Variants in AP3M1 observed in about 807,000 individuals in gnomAD.
AP3M1 encodes the protein AP-3 complex subunit mu-1.
AP3M1 carries 29 observed loss-of-function variants against 42.6 expected under a neutral mutation model. The observed-to-expected ratio is 0.68, with a 90% confidence interval of 0.51 to 0.93. AP3M1 has a LOEUF of 0.93. Among genes scored for constraint, AP3M1 ranks in the 40% least tolerant of loss-of-function variants. The pLI is 0.00. For missense variants in AP3M1, 416 were observed against 510.2 expected (o/e 0.82, Z 1.78); for synonymous variants, 178 against 175.3 (o/e 1.02, Z -0.12).
intron 1 of AP3M1, among the ~76,000 whole-genome samples, chr10:74,147,959 T>C (rs887390034): frequency 6.6e-6 from 1 of 151,616 alleles, no homozygotes; most frequent in Non-Finnish European, 1.5e-5. Context: ...AGATTGCCAT[T>C]GCACTCCAGC....
chr10:74,129,132 A>G lies in AP3M1; in HGVS notation c.779T>C (p.Ile260Thr). ...FIPPDGNFRL[I>T]SYRVSSQNLV... ...CTTTTGTGAGCTGACACGGTATGAT[A>G]TGAGTCGGAAATTTCCATCTGGAGG... Residue 260 changes from isoleucine to threonine, a missense_variant, in exon 6 of 9, where the codon ATA (isoleucine) becomes ACA (threonine). By Grantham distance (89) the Ile-to-Thr change is moderately conservative (BLOSUM62 -1). Transcript: ENST00000355264. The G allele has an allele frequency of 1.9e-6, 3 of 1,614,126 alleles. No homozygotes were observed. Among genetic ancestry groups the G allele is most frequent in the South Asian group, 2.2e-5 (2 of 91,082 alleles).
chr10:74,127,470 C>T (rs1840651762), intron 6 of AP3M1, among the ~76,000 whole-genome samples: 2 of 151,520 alleles, frequency 1.3e-5, no homozygotes, highest in African/African-American at 4.9e-5. Context: ...ATGGTGAAAT[C>T]CCCTCTCTAA....
intron 6 of AP3M1, among the ~76,000 whole-genome samples, chr10:74,128,609 T>C (rs1344967225): frequency 6.6e-6 from 1 of 152,116 alleles, no homozygotes; most frequent in Non-Finnish European, 1.5e-5. Context: ...AATTGGGGAA[T>C]GTCCTCACGA....
chr10:74,129,126 T>C lies in AP3M1; in HGVS notation c.785A>G (p.Tyr262Cys). 1 of 1,614,104 alleles carries C rather than the reference T, an allele frequency of 6.2e-7. No homozygotes were observed. The highest frequency in any genetic ancestry group is 8.5e-7 in the Non-Finnish European group (1 of 1,180,002). ...PPDGNFRLISYRVSSQNLVAI... is the reference protein window; with the variant it reads ...PPDGNFRLISCRVSSQNLVAI... ...AACATACTTTTGTGAGCTGACACGG[T>C]ATGATATGAGTCGGAAATTTCCATC... The change falls in exon 6 of 9, where the codon TAC becomes TGC. Residue 262 changes from tyrosine (Y) to cysteine (C), a missense_variant. Transcript: ENST00000355264.
chr10:74,126,192 G>C lies in AP3M1; in HGVS notation c.967C>G (p.Leu323Val). The change falls in exon 7 of 9, where the codon CTG becomes GTG. Residue 323 changes from leucine to valine, a missense_variant. Transcript: ENST00000355264. ...HMPKVVLNMN[L>V]TPTQGSYTFD... ...GTATAGCTGCCTTGTGTGGGTGTCA[G>C]GTTCATGTTCAGCACAACTTTTGGC... The C allele has an allele frequency of 6.2e-7, 1 of 1,614,194 alleles. No homozygotes were observed. Among genetic ancestry groups the C allele is most frequent in the Non-Finnish European group, 8.5e-7 (1 of 1,180,034 alleles).
intron 4 of AP3M1, among the ~76,000 whole-genome samples, chr10:74,133,505 G>A (rs1313548022): frequency 1.3e-5 from 2 of 151,846 alleles, no homozygotes; most frequent in Admixed American, 1.3e-4. Flanking sequence ...AGGTTCCAGT[G>A]AGCCAAGATC....
At chr10:74,142,219 GCAC>G (rs1841175795) in intron 1 of AP3M1, among the ~76,000 whole-genome samples, 1 of 152,160 alleles carries the variant, frequency 6.6e-6, no homozygotes, top group Admixed American at 6.5e-5. Context: ...ACGTGTATAA[GCAC>G]CAGTATCAGG....
intron 1 of AP3M1, among the ~76,000 whole-genome samples, chr10:74,142,476 A>G (rs959168927): frequency 2.6e-5 from 4 of 152,240 alleles, no homozygotes; most frequent in African/African-American, 7.2e-5. Context: ...ACACATGTTC[A>G]GTAGTTATCA....
In AP3M1 at chr10:74,134,050, A is replaced by C. The variant is rs775305009; in HGVS notation, c.560T>G (p.Ile187Arg). Residue 187 changes from isoleucine (I) to arginine (R), a missense_variant, in exon 4 of 9, where the codon ATA (isoleucine) becomes AGA (arginine). Ile to Arg is a moderately conservative substitution (Grantham distance 97). Coordinates refer to ENST00000355264, the MANE Select transcript of AP3M1 (RefSeq NM_012095.6). ...NEAYFDVVEE[I>R]DAIIDKSGST... ...ACCTGATTTATCTATAATTGCGTCT[A>C]TTTCTTCAACAACATCAAAATAGGC... 3 of 1,614,080 alleles carry C rather than the reference A, an allele frequency of 1.9e-6. No individual in the cohort carries two copies. In the Admixed American group the frequency reaches 5.0e-5, roughly 27 times the overall value.
At chr10:74,149,289 TTTTTTTTTTTTTTTTTTC>T (rs1329818151) in intron 1 of AP3M1, among the ~76,000 whole-genome samples, 17 of 104,452 alleles carry the variant, frequency 1.6e-4, no homozygotes, top group African/African-American at 6.5e-4. Context: ...TTTTTTTTTT[TTTTTTTTTTTTTTTTTTC>T]GAGGCAGAGT....
At chr10:74,145,765 TA>T (rs1373792253) in intron 1 of AP3M1, among the ~76,000 whole-genome samples, 1 of 152,232 alleles carries the variant, frequency 6.6e-6, no homozygotes, top group Non-Finnish European at 1.5e-5. Flanking sequence ...AAATACATCA[TA>T]AATCCTTTTT....
intron 1 of AP3M1, among the ~76,000 whole-genome samples, chr10:74,142,647 C>CTT (rs1564554498): frequency 6.6e-6 from 1 of 152,160 alleles, no homozygotes; most frequent in African/African-American, 2.4e-5. Flanking sequence ...GCAATAAACT[C>CTT]TGACACCTCA....
At chr10:74,145,040 T>C (rs1438531842) in intron 1 of AP3M1, among the ~76,000 whole-genome samples, 1 of 152,200 alleles carries the variant, frequency 6.6e-6, no homozygotes, top group Non-Finnish European at 1.5e-5. Context: ...GTTGTTATGC[T>C]GAGGAAGTTT....
At chr10:74,131,230 C>T (rs1274615726) in intron 4 of AP3M1, among the ~76,000 whole-genome samples, 3 of 151,742 alleles carry the variant, frequency 2.0e-5, no homozygotes, top group Non-Finnish European at 4.4e-5. Context: ...TGCAGTGGCG[C>T]TATCTGGGCT....
intron 1 of AP3M1, among the ~76,000 whole-genome samples, chr10:74,139,476 T>A (rs1464310253): frequency 6.7e-6 from 1 of 149,458 alleles, no homozygotes; most frequent in African/African-American, 2.5e-5. Flanking sequence ...AAAACAAAAC[T>A]GAAAATGAAA....
intron 4 of AP3M1, 82 bp from the exon 5 acceptor site, chr10:74,130,074 T>TA: frequency 1.0e-6 from 1 of 997,102 alleles, no homozygotes; most frequent in Non-Finnish European, 1.5e-6. Context: ...TTTTTATTTT[T>TA]ATTTATTGTT....
intron 7 of AP3M1, among the ~76,000 whole-genome samples, chr10:74,125,029 G>T (rs1840573791): frequency 6.6e-6 from 1 of 151,902 alleles, no homozygotes; most frequent in Non-Finnish European, 1.5e-5. Flanking sequence ...TGCCTAGGAT[G>T]GAGTGCAATG....
At chr10:74,149,534 C>T (rs566795285) in intron 1 of AP3M1, among the ~76,000 whole-genome samples, 2 of 152,006 alleles carry the variant, frequency 1.3e-5, no homozygotes, top group South Asian at 2.1e-4. Flanking sequence ...GTGATCCGCC[C>T]GCTTCAGCCT....
Position 74,123,602 on chromosome 10 carries a change from AC to A in AP3M1, c.*207del. 1 of 561,118 alleles carries A rather than the reference AC, an allele frequency of 1.8e-6. No homozygotes were observed. 34.8% of individuals were successfully genotyped at this position (561,118 alleles called of 1,614,324 possible). On this transcript the variant is annotated 3_prime_UTR_variant, in exon 9 of 9. Transcript: ENST00000355264. ...CCAAAATCTTCCTAAGTGAAAAGAT[AC>A]AAAATAAGCTAAGTCACTAAAAGGT...
Sources: gnomAD v4.1 joint callset for allele counts (sites outside exome capture counted in the v4.1 genomes callset) on GRCh38, gnomAD v4.1.1 for gene constraint, MANE v1.5 for transcripts, NCBI Gene and HGNC (gene_info 2026-07-23, HGNC 2026-07-21) for gene names.